The following JAK1 variants were observed in gnomAD, a reference collection of about 807,000 sequenced individuals.
JAK1 encodes the protein Janus kinase 1.
Under a neutral mutation model 136.6 loss-of-function variants are expected in JAK1, and 16 were observed. The observed-to-expected ratio is 0.12, with a 90% CI of 0.08 to 0.18. The LOEUF is 0.18. Ranked by LOEUF, JAK1 falls within the 10% of genes least tolerant of loss-of-function variation. The probability of loss-of-function intolerance (pLI) is 1.00; values close to 1 mark genes in which losing one functional copy is unlikely to be tolerated. For missense variants in JAK1, 859 were observed against 1,450.1 expected, an observed-to-expected ratio of 0.59 and a Z score of 6.62; for synonymous variants, 492 against 519.5, an observed-to-expected ratio of 0.95 and a Z score of 0.72.
chr1:65,045,530 C>T (rs1647176557), intron 1 of JAK1, among the ~76,000 whole-genome samples: 1 of 152,026 alleles, frequency 6.6e-6, no homozygotes, highest in African/African-American at 2.4e-5. Flanking sequence ...CATGGTGGCT[C>T]TGGAGTCAGG....
intron 2 of JAK1, among the ~76,000 whole-genome samples, chr1:65,021,432 C>A (rs746460751): frequency 1.3e-5 from 2 of 152,138 alleles, no homozygotes; most frequent in African/African-American, 4.8e-5. Context: ...TGTGTTTTAC[C>A]TTTTTCCTTG....
At position 65,052,945 on chromosome 1, in the gene JAK1, C is replaced by A. The variant is rs184298139; in HGVS notation, c.-180-8363G>T. On this transcript the variant is annotated intron_variant, in intron 1 of 25. Coordinates refer to the JAK1 transcript ENST00000671954. The stretch of plus-strand genomic sequence containing the variant: ...ACTCAGGAGGCTGAGGCAGGAGAAT[C>A]GCTGGGACCCGGGAGGCACAGGTTG... 8.6e-3 allele frequency among the ~76,000 whole-genome samples: 1,243 copies of A among 144,912 alleles called. 14 individuals carry two copies. The highest frequency in any genetic ancestry group is 0.031 in the African/African-American group (1,181 of 38,530).
chr1:64,908,202 G>A (rs1557682041), intron 1 of JAK1, among the ~76,000 whole-genome samples: 1 of 152,152 alleles, frequency 6.6e-6, no homozygotes. Context: ...CTAATCACAA[G>A]TAATTCTTAT....
At chr1:64,887,955 AGCCTGTCT>A (rs1446673241) in intron 1 of JAK1, among the ~76,000 whole-genome samples, 2 of 152,186 alleles carry the variant, frequency 1.3e-5, no homozygotes, top group Non-Finnish European at 2.9e-5. Flanking sequence ...GCATGTCTGG[AGCCTGTCT>A]ACCCCAGGTT....
chr1:64,875,225 A>C (rs1191540504), intron 4 of JAK1, among the ~76,000 whole-genome samples: 1 of 152,150 alleles, frequency 6.6e-6, no homozygotes, highest in Non-Finnish European at 1.5e-5. Flanking sequence ...GGAGGGGAAA[A>C]AGCACCAAGG....
intron 1 of JAK1, among the ~76,000 whole-genome samples, chr1:65,065,968 G>C (rs186919841): frequency 4.6e-5 from 7 of 151,848 alleles, no homozygotes; most frequent in Non-Finnish European, 8.8e-5. Context: ...AACATCTGCA[G>C]ATCACAACTT....
intron 1 of JAK1, among the ~76,000 whole-genome samples, chr1:64,925,034 G>A (rs998142693): frequency 6.6e-6 from 1 of 152,110 alleles, no homozygotes; most frequent in Admixed American, 6.6e-5. Context: ...TGCAACAAAT[G>A]TACCATTCTG....
In JAK1 at chr1:64,858,038, G is replaced by A. The variant is rs559665659; in HGVS notation, c.1335-259C>T. Among the ~76,000 whole-genome samples the A allele has an allele frequency of 3.3e-5, 5 of 152,252 alleles. No homozygotes were observed. In the East Asian group the frequency reaches 5.8e-4, roughly 18 times the overall value. ...AAGGCAATGAGCCCTGCTTGTCCCC[G>A]CATTCCCTACAGACATCATCTCCAG... On this transcript the variant is annotated intron_variant, in intron 9 of 24. Transcript: ENST00000342505.
intron 1 of JAK1, among the ~76,000 whole-genome samples, chr1:64,947,729 T>C (rs904299050): frequency 6.6e-6 from 1 of 152,126 alleles, no homozygotes; most frequent in African/African-American, 2.4e-5. Context: ...CAGATTGTTT[T>C]GGAACTTTAT....
intron 1 of JAK1, among the ~76,000 whole-genome samples, chr1:64,944,747 G>A (rs1645953394): frequency 6.6e-6 from 1 of 151,954 alleles, no homozygotes; most frequent in Admixed American, 6.6e-5. Flanking sequence ...TTTATGTTGG[G>A]GATACACACA....
chr1:64,834,616 G>C lies in JAK1; in HGVS notation c.3411C>G (p.Ser1137=). The change falls in exon 25 of 25, where the codon TCC becomes TCG. Residue 1137 remains serine (S), a synonymous_variant. Coordinates refer to ENST00000342505, the MANE Select transcript of JAK1 (RefSeq NM_002227.4). ...TAAGGTTCTGAAAGCTTGTCCGATT[G>C]GATGGTTGGAATTCCCAGCATTTCC... ...LMRKCWEFQP[S]NRTSFQNLIE... 1 of 1,612,330 alleles carries C rather than the reference G, an allele frequency of 6.2e-7. No individual in the cohort carries two copies. Among genetic ancestry groups the C allele is most frequent in the South Asian group, 1.1e-5 (1 of 90,930 alleles).
chr1:64,981,393 AGGCTTTTCCCTTC>A (rs1370729481), intron 2 of JAK1, among the ~76,000 whole-genome samples: 1 of 152,168 alleles, frequency 6.6e-6, no homozygotes, highest in East Asian at 1.9e-4. Context: ...CCAGTACGGC[AGGCTTTTCCCTTC>A]ACCCCTGGAA....
intron 1 of JAK1, chr1:65,067,553 G>A (rs1473939988): frequency 6.9e-6 from 1 of 145,586 alleles, no homozygotes; most frequent in Non-Finnish European, 1.5e-5. Context: ...GCGGGCGCTC[G>A]GCCCCGCGCG....
intron 2 of JAK1, among the ~76,000 whole-genome samples, chr1:64,973,310 AAAGG>A (rs1229584234): frequency 1.4e-5 from 2 of 142,692 alleles, no homozygotes; most frequent in Non-Finnish European, 3.1e-5. Flanking sequence ...AAAGAGAGAG[AAAGG>A]AAGGAAGGGA....
At chr1:64,970,365 C>T (rs979133038), upstream of JAK1, among the ~76,000 whole-genome samples, 9 of 151,526 alleles carry the variant, frequency 5.9e-5, no homozygotes, top group Middle Eastern at 3.4e-3. Context: ...AGCTTGAACC[C>T]GGAAGGCAGA....
intron 2 of JAK1, chr1:64,979,755 T>A (rs1197900321): frequency 6.6e-6 from 1 of 152,024 alleles, no homozygotes; most frequent in Non-Finnish European, 1.5e-5. Flanking sequence ...TAATCAAGCA[T>A]CAAATGGCTG....
At chr1:64,887,323 T>C (rs1030173340) in intron 1 of JAK1, among the ~76,000 whole-genome samples, 3 of 152,192 alleles carry the variant, frequency 2.0e-5, no homozygotes, top group Admixed American at 1.3e-4. Context: ...TTTAACAAGA[T>C]TAAAATCACT....
At chr1:65,052,943 A>C (rs1557776441) in intron 1 of JAK1, among the ~76,000 whole-genome samples, 2 of 150,434 alleles carry the variant, frequency 1.3e-5, no homozygotes, top group Non-Finnish European at 3.0e-5. Flanking sequence ...AGGCAGGAGA[A>C]TCGCTGGGAC....
chr1:64,973,744 A>C (rs1225869060), intron 2 of JAK1: 1 of 152,138 alleles, frequency 6.6e-6, no homozygotes, highest in Non-Finnish European at 1.5e-5. Flanking sequence ...AACCCATTGA[A>C]TCAGCTTCCA....
Sources: allele counts gnomAD v4.1 joint callset (sites outside exome capture counted in the v4.1 genomes callset), GRCh38; gene constraint gnomAD v4.1.1; transcripts MANE v1.5; gene names NCBI Gene and HGNC (gene_info 2026-07-23, HGNC 2026-07-21).